CELF3: variants seen among roughly 807,000 people sequenced by gnomAD.
CELF3 encodes the protein CUGBP Elav-like family member 3.
Under a neutral mutation model 59.6 loss-of-function variants are expected in CELF3, and 26 were observed. The ratio of observed to expected loss-of-function variants is 0.44; its 90% CI spans 0.32 to 0.61. The LOEUF is 0.61. Ranked by LOEUF, CELF3 falls within the 20% of genes least tolerant of loss-of-function variation. CELF3 has a pLI of 0.06. For synonymous variants in CELF3, 245 were observed against 250.7 expected, an observed-to-expected ratio of 0.98 and a Z score of 0.22; for missense variants, 387 against 627.2, an observed-to-expected ratio of 0.62 and a Z score of 4.09.
At chr1:151,704,935 GT>G in intron 12 of CELF3, 95 bp downstream of exon 12, 1 of 1,357,356 alleles carries the variant, frequency 7.4e-7, no homozygotes, top group South Asian at 1.5e-5. Context: ...ATCCCTGAGG[GT>G]GGTGGAGGAC....
chr1:151,706,782 G>A, intron 8 of CELF3, 48 bp from the exon 9 acceptor site: 1 of 1,432,928 alleles, frequency 7.0e-7, no homozygotes, highest in Non-Finnish European at 9.4e-7. Context: ...CACACAGTGG[G>A]GGCCCTCAGT....
At chr1:151,712,936 C>T (rs930886726) in intron 2 of CELF3, among the ~76,000 whole-genome samples, 3 of 152,110 alleles carry the variant, frequency 2.0e-5, no homozygotes, top group Non-Finnish European at 4.4e-5. Context: ...CACACACACA[C>T]TGCATGCACA....
intron 9 of CELF3, 136 bp downstream of exon 9, chr1:151,706,533 C>T (rs1273594047): frequency 1.2e-5 from 15 of 1,204,548 alleles, no homozygotes; most frequent in Non-Finnish European, 1.7e-5. Flanking sequence ...AAGACCCCTC[C>T]CCACAGTTGG....
In CELF3 at chr1:151,716,724, C is replaced by T. The variant is rs965820396; in HGVS notation, c.-704G>A. ...GGCCTGGGCTGCTGCCGGCTGCTCC[C>T]GCCGCTGGGGCTGCCTGCTTTCCCG... On this transcript the variant is annotated 5_prime_UTR_variant, in exon 1 of 13. Transcript: ENST00000290583. 1.5e-5 allele frequency: 7 copies of T among 459,752 alleles called. No homozygotes were observed. The highest frequency in any genetic ancestry group is 1.0e-4 in the African/African-American group (5 of 48,058). 28.5% of individuals were successfully genotyped at this position (459,752 alleles called of 1,614,324 possible).
At chr1:151,706,628 C>T in intron 9 of CELF3, 41 bp downstream of exon 9, 1 of 1,542,770 alleles carries the variant, frequency 6.5e-7, no homozygotes. Flanking sequence ...CCTCCTGCCA[C>T]CTCTCCCACC....
At chr1:151,713,797 G>A (rs1339926659) in intron 2 of CELF3, among the ~76,000 whole-genome samples, 1 of 152,236 alleles carries the variant, frequency 6.6e-6, no homozygotes, top group East Asian at 1.9e-4. Flanking sequence ...TGGATTTGCC[G>A]CAGTTGGCTT....
At position 151,705,786 on chromosome 1, in the gene CELF3, G is replaced by A. The variant is rs755150109; in HGVS notation, c.1270+36C>T. On this transcript the variant is annotated intron_variant, in intron 11 of 12. Coordinates refer to ENST00000290583, the MANE Select transcript of CELF3 (RefSeq NM_007185.7). This position sits in a 1 kb window ranked among gnomAD's most constrained non-coding sequence, Gnocchi z 5.1. ...ATATATTAGACCTTGTCCTGATTTGGAGTATGGCAAAAAATGTGCCATATC... is the reference window on the plus strand; with the variant it reads ...ATATATTAGACCTTGTCCTGATTTGAAGTATGGCAAAAAATGTGCCATATC... The A allele has an allele frequency of 6.2e-7, 1 of 1,609,100 alleles. No individual in the cohort carries two copies. The highest frequency in any genetic ancestry group is 8.5e-7 in the Non-Finnish European group (1 of 1,176,350).
chr1:151,713,762 T>C (rs937644108), intron 2 of CELF3, among the ~76,000 whole-genome samples: 2 of 152,186 alleles, frequency 1.3e-5, no homozygotes, highest in Non-Finnish European at 2.9e-5. Context: ...TGGGATAAGA[T>C]CTTTGGTGGG....
At position 151,705,308 on chromosome 1, in the gene CELF3, A is replaced by G; in HGVS notation, c.1271-140T>C. 1.1e-6 allele frequency: 1 copy of G among 896,518 alleles called. No individual in the cohort carries two copies. 55.5% of individuals were successfully genotyped at this position (896,518 alleles called of 1,614,324 possible). Reference sequence around the variant, plus strand: ...TGCCACATAGCAGCATTCCTTAGGAATTTGTTGATTGATGGGTTGAATGGA... The same window carrying G: ...TGCCACATAGCAGCATTCCTTAGGAGTTTGTTGATTGATGGGTTGAATGGA... On this transcript the variant is annotated intron_variant, in intron 11 of 12. Transcript: ENST00000290583. The surrounding 1 kb of genome is among the most constrained non-coding windows in gnomAD (Gnocchi z 5.1).
At chr1:151,707,962 G>A in intron 5 of CELF3, 27 bp from the exon 6 acceptor site, 1 of 1,592,442 alleles carries the variant, frequency 6.3e-7, no homozygotes, top group South Asian at 1.1e-5. Flanking sequence ...ACACAGGTCA[G>A]AGGTGCAGGG....
chr1:151,706,547 T>A, intron 9 of CELF3, 122 bp downstream of exon 9: 1 of 1,261,854 alleles, frequency 7.9e-7, no homozygotes, highest in Non-Finnish European at 1.1e-6. Context: ...CAGTTGGGCT[T>A]GTCAGTAAAG....
In CELF3 at chr1:151,709,420, T is replaced by A; in HGVS notation, c.278-72A>T. The A allele has an allele frequency of 6.2e-7, 1 of 1,600,258 alleles. No homozygotes were observed. Among genetic ancestry groups the A allele is most frequent in the South Asian group, 1.1e-5 (1 of 90,290 alleles). On this transcript the variant is annotated intron_variant, in intron 3 of 12. Coordinates refer to ENST00000290583, the MANE Select transcript of CELF3 (RefSeq NM_007185.7). This position sits in a 1 kb window ranked among gnomAD's most constrained non-coding sequence, Gnocchi z 4.9. ...TGCCTTCCCAGCCCTTCTTCCGCCC[T>A]TCCCTGGAGCTCCTAACACTACTTC...
Position 151,705,315 on chromosome 1 carries a change from G to A in CELF3, c.1271-147C>T. ...TAGCAGCATTCCTTAGGAATTTGTT[G>A]ATTGATGGGTTGAATGGATGAATCC... is the stretch of plus-strand genomic sequence containing the variant. On this transcript the variant is annotated intron_variant, in intron 11 of 12. Coordinates refer to ENST00000290583, the MANE Select transcript of CELF3 (RefSeq NM_007185.7). This position sits in a 1 kb window ranked among gnomAD's most constrained non-coding sequence, Gnocchi z 5.1. 1 of 846,192 alleles carries A rather than the reference G, an allele frequency of 1.2e-6. No individual in the cohort carries two copies. Among genetic ancestry groups the A allele is most frequent in the Non-Finnish European group, 1.8e-6 (1 of 562,436 alleles). 52.4% of individuals were successfully genotyped at this position (846,192 alleles called of 1,614,324 possible).
Position 151,709,495 on chromosome 1 carries a change from G to C in CELF3, c.278-147C>G. The C allele has an allele frequency of 8.4e-7, 1 of 1,194,260 alleles. No homozygotes were observed. The highest frequency in any genetic ancestry group is 1.2e-6 in the Non-Finnish European group (1 of 830,824). The allele number at this position is 1,194,260 out of a possible 1,614,324, so 74.0% of individuals were successfully genotyped here. On this transcript the variant is annotated intron_variant, in intron 3 of 12. Transcript: ENST00000290583. This position sits in a 1 kb window ranked among gnomAD's most constrained non-coding sequence, Gnocchi z 4.9. Reference sequence around the variant, plus strand: ...GTAGGGGCTGATGGTTGGGGAATGGGGTATAGTTGCAGAGGGTGCTCATCC... The same window carrying C: ...GTAGGGGCTGATGGTTGGGGAATGGCGTATAGTTGCAGAGGGTGCTCATCC...
Position 151,705,077 on chromosome 1 carries a change from C to T in CELF3, c.1362G>A (p.Gln454=). ...GGTTGGCATCCTTAGGCCGCTTTAG[C>T]TGGACTTTGAGGCGCTTCATGCCGA... ...FQIGMKRLKV[Q]LKRPKDANRP... is the part of the protein sequence containing the mutation. Residue 454 remains glutamine, a synonymous_variant, in exon 12 of 13, where the codon CAG becomes CAA. Coordinates refer to ENST00000290583, the MANE Select transcript of CELF3 (RefSeq NM_007185.7). The surrounding 1 kb of genome is among the most constrained non-coding windows in gnomAD (Gnocchi z 5.1). The T allele has an allele frequency of 6.2e-7, 1 of 1,613,962 alleles. No homozygotes were observed.
chr1:151,707,239 G>C lies in CELF3; in HGVS notation c.828C>G (p.Ala276=). The C allele has an allele frequency of 1.3e-6, 2 of 1,557,120 alleles. No homozygotes were observed. The change falls in exon 8 of 13, where the codon GCC becomes GCG. Residue 276 remains alanine (A), a synonymous_variant. Transcript: ENST00000290583. The part of the protein sequence containing the change: ...AATPVSAIPA[A]LGVNGYSPVP... ...CCGGGCTGTAGCCGTTGACGCCCAG[G>C]GCAGCCGGAATGGCAGAGACAGGCG... is the stretch of plus-strand genomic sequence containing the variant.
In CELF3 at chr1:151,714,701, A is replaced by T. The variant is rs1459420052; in HGVS notation, c.146-25T>A. ...CCTGAGGAGGGGCAGGGGCAGAGAA[A>T]CACGGCGGGGGGTGAGTCCTCCATC... On this transcript the variant is annotated intron_variant, in intron 1 of 12. Coordinates refer to ENST00000290583, the MANE Select transcript of CELF3 (RefSeq NM_007185.7). 2.6e-6 allele frequency: 4 copies of T among 1,510,764 alleles called. No individual in the cohort carries two copies. The Admixed American group carries it at 5.9e-5, about 22-fold the overall frequency. 93.6% of individuals were successfully genotyped at this position (1,510,764 alleles called of 1,614,324 possible).
At chr1:151,715,797 T>C (rs1436286278) in intron 1 of CELF3, 79 bp downstream of exon 1, 2 of 1,594,356 alleles carry the variant, frequency 1.3e-6, no homozygotes, top group Admixed American at 1.7e-5. Context: ...TCCCAGCCGC[T>C]CCACCCCTCC....
chr1:151,716,284 A>C lies in CELF3; in HGVS notation c.-264T>G, dbSNP rs1571942365. The C allele has an allele frequency of 2.3e-6, 1 of 440,966 alleles. No homozygotes were observed. Among genetic ancestry groups the C allele is most frequent in the East Asian group, 3.6e-5 (1 of 27,514 alleles). 27.3% of individuals were successfully genotyped at this position (440,966 alleles called of 1,614,324 possible). On this transcript the variant is annotated 5_prime_UTR_variant, in exon 1 of 13. Transcript: ENST00000290583. ...CCTAAACAAACGATCTCCCTCCCAG[A>C]GATCTGGCAAATGTCCCAGGATGGG...
Sources: allele counts gnomAD v4.1 joint callset (sites outside exome capture counted in the v4.1 genomes callset), GRCh38; gene constraint gnomAD v4.1.1; non-coding constraint Gnocchi (gnomAD v3.1); transcripts MANE v1.5; gene names NCBI Gene and HGNC (gene_info 2026-07-23, HGNC 2026-07-21).